The following PRKACB variants were observed in gnomAD, a reference collection of about 807,000 sequenced individuals.
The protein encoded by PRKACB is protein kinase cAMP-activated catalytic subunit beta.
Under a neutral mutation model 51.4 loss-of-function variants are expected in PRKACB, and 16 were observed. The observed-to-expected ratio is 0.31, with a 90% CI of 0.21 to 0.47. The LOEUF is 0.47. PRKACB is among the 20% of genes least tolerant of loss of function. The pLI is 1.00. For missense variants in PRKACB, 309 were observed against 464.5 expected (o/e 0.67, Z 3.08); for synonymous variants, 147 against 154.4 (o/e 0.95, Z 0.35).
chr1:84,080,092 A>C (rs1031307476), intron 1 of PRKACB, among the ~76,000 whole-genome samples: 1 of 152,254 alleles, frequency 6.6e-6, no homozygotes, highest in Non-Finnish European at 1.5e-5. Flanking sequence ...TTAAAGCTCT[A>C]TTAACTTAAA....
At chr1:84,228,643 T>G (rs1675050382) in intron 9 of PRKACB, among the ~76,000 whole-genome samples, 4 of 152,106 alleles carry the variant, frequency 2.6e-5, no homozygotes, top group Middle Eastern at 6.8e-3. Context: ...GAGAAAAATG[T>G]TTAAGGTTTA....
rs780224510 is a variant in PRKACB at position 84,197,719 on chromosome 1, T to G, written c.688-10T>G. Reference sequence around the variant, plus strand: ...TACATTTTCACTAGTATTCTTTTTTTCTTTTATAGGTCACAGACTTTGGGT... The same window carrying G: ...TACATTTTCACTAGTATTCTTTTTTGCTTTTATAGGTCACAGACTTTGGGT... On this transcript the variant is annotated splice_polypyrimidine_tract_variant and intron_variant, in intron 6 of 9. Transcript: ENST00000370685. The G allele has an allele frequency of 1.4e-5, 22 of 1,576,820 alleles. No individual in the cohort carries two copies. Among genetic ancestry groups the G allele is most frequent in the Non-Finnish European group, 5.2e-6 (6 of 1,152,704 alleles).
At chr1:84,185,213 T>C (rs1664728803) in intron 5 of PRKACB, 31 bp downstream of exon 5, 3 of 1,414,082 alleles carry the variant, frequency 2.1e-6, no homozygotes, top group African/African-American at 3.0e-5. Flanking sequence ...CTTCAAATCT[T>C]TATATGCTTG....
At chr1:84,213,047 C>G (rs1386762204) in intron 8 of PRKACB, among the ~76,000 whole-genome samples, 1 of 152,064 alleles carries the variant, frequency 6.6e-6, no homozygotes, top group Non-Finnish European at 1.5e-5. Context: ...TGTAGAGAAA[C>G]AAAATAAGAA....
At chr1:84,148,733 T>C (rs1019582985) in intron 1 of PRKACB, among the ~76,000 whole-genome samples, 1 of 152,156 alleles carries the variant, frequency 6.6e-6, no homozygotes, top group African/African-American at 2.4e-5. Flanking sequence ...CCAATAAAAA[T>C]TTAAGTAACA....
intron 8 of PRKACB, among the ~76,000 whole-genome samples, chr1:84,206,093 A>G (rs546036613): frequency 1.7e-4 from 26 of 152,314 alleles, no homozygotes; most frequent in African/African-American, 6.3e-4. Context: ...TATACTTGCA[A>G]ATAAGGTACT....
At position 84,185,117 on chromosome 1, in the gene PRKACB, C is replaced by T; in HGVS notation, c.495C>T (p.Tyr165=). 1 of 1,492,644 alleles carries T rather than the reference C, an allele frequency of 6.7e-7. No homozygotes were observed. The highest frequency in any genetic ancestry group is 9.0e-7 in the Non-Finnish European group (1 of 1,116,978). The allele number at this position is 1,492,644 out of a possible 1,614,324, so 92.5% of individuals were successfully genotyped here. Reference sequence around the variant, plus strand: ...GTTCATAGGATAATTCTAATTTATACATGGTTATGGAATATGTCCCTGGGG... The same window carrying T: ...GTTCATAGGATAATTCTAATTTATATATGGTTATGGAATATGTCCCTGGGG... The part of the protein sequence containing the change: ...EYAFKDNSNL[Y]MVMEYVPGGE... Residue 165 remains tyrosine (Y), a synonymous_variant, in exon 5 of 10, where the codon TAC becomes TAT. Transcript: ENST00000370685.
At chr1:84,173,492 G>A (rs553457673) in intron 1 of PRKACB, 1 of 727,786 alleles carries the variant, frequency 1.4e-6, no homozygotes, top group Admixed American at 2.7e-5. Flanking sequence ...TTTTTAGTGT[G>A]TGTGTATGTG....
At chr1:84,185,067 G>T in intron 4 of PRKACB, 33 bp from the exon 5 acceptor site, 1 of 1,303,782 alleles carries the variant, frequency 7.7e-7, no homozygotes, top group South Asian at 1.4e-5. Context: ...GACCTAAGTT[G>T]AATAATTGTA....
chr1:84,194,067 C>T (rs1256579963), intron 5 of PRKACB, among the ~76,000 whole-genome samples: 1 of 152,116 alleles, frequency 6.6e-6, no homozygotes, highest in Non-Finnish European at 1.5e-5. Flanking sequence ...TGCAAAGTAG[C>T]TTCTGCTTAT....
chr1:84,183,907 A>AT (rs1664338734), intron 3 of PRKACB, 130 bp from the exon 4 acceptor site: 1 of 988,918 alleles, frequency 1.0e-6, no homozygotes, highest in African/African-American at 1.7e-5. Context: ...GGTAATTGTT[A>AT]TTATCTTCCT....
At chr1:84,164,341 C>T in intron 1 of PRKACB, 1 of 1,547,834 alleles carries the variant, frequency 6.5e-7, no homozygotes, top group South Asian at 1.2e-5. Flanking sequence ...CCACAGCTAG[C>T]AGTAAGAGCT....
intron 1 of PRKACB, among the ~76,000 whole-genome samples, chr1:84,108,824 C>T (rs929518235): frequency 6.6e-6 from 1 of 151,896 alleles, no homozygotes; most frequent in South Asian, 2.1e-4. Flanking sequence ...TTTTTCTTTG[C>T]ATTTGGATAA....
chr1:84,136,518 A>ACACACACACACACT lies in PRKACB; in HGVS notation c.47-42658_47-42657insACACACACACACTC, dbSNP rs1557999817. Among the ~76,000 whole-genome samples, 4 of 151,512 alleles carry ACACACACACACACT rather than the reference A, an allele frequency of 2.6e-5. No homozygotes were observed. The South Asian group carries it at 8.3e-4, about 32-fold the overall frequency. ...CACACACACACACACACACACACAC[A>ACACACACACACACT]CTCACTCTGACTGCCGATTGGTGAC... On this transcript the variant is annotated intron_variant, in intron 1 of 8. Coordinates refer to the PRKACB transcript ENST00000370688.
chr1:84,164,844 C>A (rs1315538510), intron 1 of PRKACB: 7 of 1,387,432 alleles, frequency 5.0e-6, no homozygotes, highest in Non-Finnish European at 6.5e-6. Flanking sequence ...CTAGGGGCTT[C>A]TCTTTTTAAA....
chr1:84,176,929 C>A (rs769929852), intron 1 of PRKACB, among the ~76,000 whole-genome samples: 1 of 151,842 alleles, frequency 6.6e-6, no homozygotes, highest in Non-Finnish European at 1.5e-5. Context: ...AGCTTATCAC[C>A]AGGCAGGGAA....
At chr1:84,173,346 G>A in intron 1 of PRKACB, 1 of 1,574,652 alleles carries the variant, frequency 6.4e-7, no homozygotes, top group Non-Finnish European at 8.6e-7. Flanking sequence ...ATCATCAGAT[G>A]CATCTGGTAG....
intron 8 of PRKACB, chr1:84,205,142 C>A: frequency 1.0e-6 from 1 of 981,424 alleles, no homozygotes; most frequent in Non-Finnish European, 1.2e-6. Flanking sequence ...TATCTCTCCC[C>A]ATGTGGGATA....
intron 1 of PRKACB, among the ~76,000 whole-genome samples, chr1:84,118,110 T>C (rs1650774557): frequency 6.6e-6 from 1 of 152,140 alleles, no homozygotes; most frequent in Non-Finnish European, 1.5e-5. Flanking sequence ...TGAGGTTTAG[T>C]TCACAGCAGT....
Sources: gnomAD v4.1 joint callset for allele counts (sites outside exome capture counted in the v4.1 genomes callset) on GRCh38, gnomAD v4.1.1 for gene constraint, MANE v1.5 for transcripts, NCBI Gene and HGNC (gene_info 2026-07-23, HGNC 2026-07-21) for gene names.